Variants in ADGRF1 observed in about 807,000 individuals in gnomAD.
ADGRF1 encodes the protein G protein-coupled receptor 110.
Under a neutral mutation model 87.2 loss-of-function variants are expected in ADGRF1, and 85 were observed. The ratio of observed to expected loss-of-function variants is 0.97; its 90% CI spans 0.82 to 1.17. The LOEUF is 1.17. Among genes scored for constraint, ADGRF1 ranks in the 50% most tolerant of loss-of-function variants. The probability of loss-of-function intolerance (pLI) is 0.00; values close to 1 mark genes in which losing one functional copy is unlikely to be tolerated. For missense variants in ADGRF1, 1,169 were observed against 1,077.2 expected, an observed-to-expected ratio of 1.09 and a Z score of -1.19; for synonymous variants, 430 against 408.8, an observed-to-expected ratio of 1.05 and a Z score of -0.63.
chr6:47,014,757 G>A lies in ADGRF1; in HGVS notation c.851C>T (p.Thr284Ile), dbSNP rs376757325. Residue 284 changes from threonine (T) to isoleucine (I), a missense_variant, in exon 9 of 15, where the codon ACA becomes ATA. By Grantham distance (89) the Thr-to-Ile change is moderately conservative. Transcript: ENST00000371253. ...CCACCCAGAGGACTCACACTTGGCT[G>A]TGATGTTTCCCCTGTAGCCACTGCT... ...PCSSGYRGNI[T>I]AKCESSGWQV... The A allele has an allele frequency of 3.8e-5, 61 of 1,613,898 alleles. No individual in the cohort carries two copies. The highest frequency in any genetic ancestry group is 4.9e-5 in the Non-Finnish European group (58 of 1,179,982).
chr6:47,001,629 T>A (rs1278022555), intron 13 of ADGRF1, 62 bp from the exon 14 acceptor site: 2 of 1,269,722 alleles, frequency 1.6e-6, no homozygotes, highest in Admixed American at 3.5e-5. Context: ...TTGGTCTGCA[T>A]TTCCTGACTT....
intron 1 of ADGRF1, among the ~76,000 whole-genome samples, chr6:47,034,734 G>C (rs150126459): frequency 1.7e-3 from 257 of 152,232 alleles, no homozygotes; most frequent in African/African-American, 6.0e-3. Flanking sequence ...CTCTGTTCCA[G>C]GATCCCTATT....
intron 12 of ADGRF1, among the ~76,000 whole-genome samples, chr6:47,006,971 C>T (rs1233248377): frequency 2.0e-5 from 3 of 152,130 alleles, no homozygotes; most frequent in Non-Finnish European, 4.4e-5. Context: ...GGAATTACTG[C>T]CATACCATAA....
chr6:47,038,560 C>A (rs1237639503), intron 1 of ADGRF1, among the ~76,000 whole-genome samples: 1 of 152,080 alleles, frequency 6.6e-6, no homozygotes, highest in Admixed American at 6.5e-5. Context: ...GCATATCCAT[C>A]ATCTCAAACG....
Position 47,029,041 on chromosome 6 carries a change from C to A in ADGRF1, c.21G>T (p.Trp7Cys), listed in dbSNP as rs1310724346. MKVGVL[W>C]LISFFTFTDG... ...CAGTGAAGGTGAAGAAAGAAATGAG[C>A]CACAGCACTCCAACTTTCATTTTCC... is the stretch of plus-strand genomic sequence containing the variant. Residue 7 changes from tryptophan (W) to cysteine (C), a missense_variant, in exon 2 of 15, where the codon TGG becomes TGT. Coordinates refer to ENST00000371253, the MANE Select transcript of ADGRF1 (RefSeq NM_153840.4). The A allele has an allele frequency of 1.2e-6, 2 of 1,614,112 alleles. No homozygotes were observed. The highest frequency in any genetic ancestry group is 1.7e-6 in the Non-Finnish European group (2 of 1,179,980).
chr6:47,002,421 T>G (rs929420821), intron 13 of ADGRF1, among the ~76,000 whole-genome samples: 44 of 152,154 alleles, frequency 2.9e-4, no homozygotes, highest in Non-Finnish European at 1.2e-4. Flanking sequence ...TAAAAATATT[T>G]GAAACTTTCA....
intron 1 of ADGRF1, among the ~76,000 whole-genome samples, chr6:47,040,267 T>C (rs1780698258): frequency 6.6e-6 from 1 of 151,882 alleles, no homozygotes; most frequent in South Asian, 2.1e-4. Flanking sequence ...GATCAGGAAA[T>C]TGAGACCATC....
chr6:47,006,108 T>C (rs1779519720), intron 12 of ADGRF1, among the ~76,000 whole-genome samples: 1 of 152,192 alleles, frequency 6.6e-6, no homozygotes, highest in Non-Finnish European at 1.5e-5. Flanking sequence ...ATTCCAATTT[T>C]AGACATTAGT....
In ADGRF1 at chr6:47,009,076, T is replaced by C. The variant is rs1226475; in HGVS notation, c.2359A>G (p.Ile787Val). ...ATGAGGAGGCTCTTCCCCACGCGGA[T>C]GATGGTGGCCTTGTCATCCCGACTC... is the stretch of plus-strand genomic sequence containing the variant. ...RLSRDDKATI[I>V]RVGKSLLILT... The change falls in exon 11 of 15, where the codon ATC (isoleucine) becomes GTC (valine). Residue 787 changes from isoleucine (I) to valine (V), a missense_variant. By Grantham distance (29) the Ile-to-Val change is conservative. Transcript: ENST00000371253. 0.04 allele frequency: 64,384 copies of C among 1,613,934 alleles called. 8,084 individuals are homozygous for C. The highest frequency in any genetic ancestry group is 0.39 in the African/African-American group (29,586 of 74,916).
At chr6:47,035,099 G>A (rs557939152) in intron 1 of ADGRF1, among the ~76,000 whole-genome samples, 7 of 152,282 alleles carry the variant, frequency 4.6e-5, no homozygotes, top group African/African-American at 1.2e-4. Context: ...AGTCCAGCTC[G>A]TTTCCACTGT....
Position 47,005,842 on chromosome 6 carries a change from A to C in ADGRF1, c.2567T>G (p.Leu856Ter), listed in dbSNP as rs1779510014. The C allele has an allele frequency of 6.2e-7, 1 of 1,611,796 alleles. No homozygotes were observed. The highest frequency in any genetic ancestry group is 1.3e-5 in the African/African-American group (1 of 74,852). ...RQLLFNKLSA[L>*]SSWKQTEKQN... Reference sequence around the variant, plus strand: ...CTTTTCTGTTTGCTTCCAAGAACTTAAGGCAGACAACTTGTTGAACAGAAG... The same window carrying C: ...CTTTTCTGTTTGCTTCCAAGAACTTCAGGCAGACAACTTGTTGAACAGAAG... Residue 856 changes from leucine to a stop codon, truncating the protein, a stop_gained, in exon 13 of 15, where the codon TTA becomes TGA. Coordinates refer to ENST00000371253, the MANE Select transcript of ADGRF1 (RefSeq NM_153840.4). LOFTEE classifies it high-confidence loss of function.
intron 1 of ADGRF1, among the ~76,000 whole-genome samples, chr6:47,037,649 C>G (rs775470726): frequency 1.3e-5 from 2 of 152,022 alleles, no homozygotes; most frequent in Non-Finnish European, 2.9e-5. Flanking sequence ...GGACTATAGG[C>G]ACACACCACC....
intron 5 of ADGRF1, among the ~76,000 whole-genome samples, chr6:47,023,670 TC>T (rs1780139145): frequency 6.6e-6 from 1 of 152,188 alleles, no homozygotes; most frequent in Non-Finnish European, 1.5e-5. Flanking sequence ...ATCTCTAGAC[TC>T]CCCTTTTCTT....
chr6:47,018,687 G>T, intron 7 of ADGRF1: 2 of 971,916 alleles, frequency 2.1e-6, no homozygotes, highest in Non-Finnish European at 2.8e-6. Context: ...CAAGGTGTGT[G>T]GGTCATTTGA....
chr6:47,033,201 C>T (rs1223400795), intron 1 of ADGRF1, among the ~76,000 whole-genome samples: 3 of 152,208 alleles, frequency 2.0e-5, no homozygotes, highest in East Asian at 1.9e-4. Flanking sequence ...CACCAGCTTC[C>T]GTGGGAAGGC....
At chr6:47,029,150 A>C in intron 1 of ADGRF1, 46 bp from the exon 2 acceptor site, 1 of 1,058,672 alleles carries the variant, frequency 9.4e-7, no homozygotes, top group Non-Finnish European at 1.5e-6. Flanking sequence ...AAAAACAAGA[A>C]ATTCAAGCCA....
chr6:47,014,703 G>C lies in ADGRF1; in HGVS notation c.905C>G (p.Ser302Cys), dbSNP rs1779811953. 6.2e-7 allele frequency: 1 copy of C among 1,613,660 alleles called. No homozygotes were observed. The highest frequency in any genetic ancestry group is 8.5e-7 in the Non-Finnish European group (1 of 1,179,894). The change falls in exon 9 of 15, where the codon TCT becomes TGT. Residue 302 changes from serine (S) to cysteine (C), a missense_variant. Coordinates refer to ENST00000371253, the MANE Select transcript of ADGRF1 (RefSeq NM_153840.4). ...WQVIRETCVL[S>C]LLEELNKNFS... Reference sequence around the variant, plus strand: ...CACCTTGTTCAGTTCTTCAAGCAGAGAGAGCACACAAGTCTCCCTGATGAC... The same window carrying C: ...CACCTTGTTCAGTTCTTCAAGCAGACAGAGCACACAAGTCTCCCTGATGAC...
At chr6:47,008,625 TTC>T (rs1779599186) in intron 11 of ADGRF1, among the ~76,000 whole-genome samples, 1 of 152,186 alleles carries the variant, frequency 6.6e-6, no homozygotes, top group African/African-American at 2.4e-5. Flanking sequence ...GTATTTCCCT[TTC>T]TCTGTTTAAT....
intron 2 of ADGRF1, among the ~76,000 whole-genome samples, chr6:47,028,280 C>G (rs80091960): frequency 2.0e-5 from 3 of 150,730 alleles, no homozygotes; most frequent in African/African-American, 7.3e-5. Context: ...GTAGCAGCCA[C>G]GGAAGTAGTG....
Sources: gnomAD v4.1 joint callset for allele counts (sites outside exome capture counted in the v4.1 genomes callset) on GRCh38, gnomAD v4.1.1 for gene constraint, MANE v1.5 for transcripts, NCBI Gene and HGNC (gene_info 2026-07-23, HGNC 2026-07-21) for gene names.